The following FGF2 variants were observed in gnomAD, a reference collection of about 807,000 sequenced individuals.
FGF2 encodes the protein basic fibroblast growth factor bFGF.
A neutral mutation model predicts 15.9 loss-of-function variants in FGF2; 13 were observed. That is an observed-to-expected ratio of 0.82 (90% CI 0.53 to 1.30). The LOEUF (loss-of-function observed/expected upper bound fraction) is 1.30. FGF2 is among the 50% of genes most tolerant of loss of function. The probability of loss-of-function intolerance (pLI) is 0.00; values close to 1 mark genes in which losing one functional copy is unlikely to be tolerated. For missense variants in FGF2, 163 were observed against 196.9 expected (o/e 0.83, Z 1.03); for synonymous variants, 90 against 78.4 (o/e 1.15, Z -0.78).
In FGF2 at chr4:122,892,354, G is replaced by A. The variant is rs2150793627; in HGVS notation, c.426G>A (p.Gly142=). 4 of 1,614,102 alleles carry A rather than the reference G, an allele frequency of 2.5e-6. No homozygotes were observed. The highest frequency in any genetic ancestry group is 3.4e-6 in the Non-Finnish European group (4 of 1,179,988). Residue 142 remains glycine, a synonymous_variant, in exon 3 of 3, where the codon GGG becomes GGA. Transcript: ENST00000644866. ...QYKLGSKTGP[G]QKAILFLPMS... is the part of the protein sequence containing the mutation. ...AACTTGGATCCAAAACAGGACCTGG[G>A]CAGAAAGCTATACTTTTTCTTCCAA... is the stretch of plus-strand genomic sequence containing the variant.
chr4:122,880,821 A>G (rs1287279752), intron 2 of FGF2, among the ~76,000 whole-genome samples: 1 of 152,088 alleles, frequency 6.6e-6, no homozygotes, highest in Non-Finnish European at 1.5e-5. Context: ...TGGTGCTGCA[A>G]TAGGGACTCT....
chr4:122,840,621 G>T (rs568220619), intron 1 of FGF2: 1 of 183,022 alleles, frequency 5.5e-6, no homozygotes, highest in South Asian at 1.4e-4. Flanking sequence ...AAGCCCACAC[G>T]AACCAAATAC....
At chr4:122,855,401 G>T (rs1726319599) in intron 1 of FGF2, among the ~76,000 whole-genome samples, 1 of 152,174 alleles carries the variant, frequency 6.6e-6, no homozygotes, top group South Asian at 2.1e-4. Context: ...TTCAAGAATT[G>T]ATTTATATTG....
Position 122,827,132 on chromosome 4 carries a change from G to A in FGF2, c.-43G>A, listed in dbSNP as rs1446853265. ...GCCGGGGGACGGCGGCTCCCCGCGC[G>A]GCTCCAGCGGCTCGGGGATCCCGGC... On this transcript the variant is annotated 5_prime_UTR_variant, in exon 1 of 3. Transcript: ENST00000644866. This position sits in a 1 kb window ranked among gnomAD's most constrained non-coding sequence, Gnocchi z 4.2. 4 of 1,303,566 alleles carry A rather than the reference G, an allele frequency of 3.1e-6. No homozygotes were observed. Among genetic ancestry groups the A allele is most frequent in the African/African-American group, 1.6e-5 (1 of 64,434 alleles). 80.7% of individuals were successfully genotyped at this position (1,303,566 alleles called of 1,614,324 possible).
intron 1 of FGF2, among the ~76,000 whole-genome samples, chr4:122,868,341 A>C (rs550197769): frequency 8.1e-4 from 122 of 151,166 alleles, no homozygotes; most frequent in Non-Finnish European, 1.5e-3. Context: ...TTATTGTTCA[A>C]CTCCCACTTA....
chr4:122,827,232 G>T lies in FGF2; in HGVS notation c.58G>T (p.Ala20Ser), dbSNP rs760683900. The change falls in exon 1 of 3, where the codon GCC becomes TCC. Residue 20 changes from alanine (A) to serine (S), a missense_variant. Physicochemically the swap from Ala to Ser is moderately conservative, Grantham distance 99. Coordinates refer to ENST00000644866, the MANE Select transcript of FGF2 (RefSeq NM_001361665.2). The surrounding 1 kb of genome is among the most constrained non-coding windows in gnomAD (Gnocchi z 4.2). Reference protein sequence around the residue: ...PALPEDGGSGAFPPGHFKDPK... With the variant: ...PALPEDGGSGSFPPGHFKDPK... ...CTTGCCCGAGGATGGCGGCAGCGGC[G>T]CCTTCCCGCCCGGCCACTTCAAGGA... The T allele has an allele frequency of 1.9e-6, 3 of 1,611,452 alleles. No individual in the cohort carries two copies. The highest frequency in any genetic ancestry group is 2.2e-5 in the East Asian group (1 of 44,800).
intron 2 of FGF2, among the ~76,000 whole-genome samples, chr4:122,885,755 T>C (rs1425323448): frequency 1.3e-5 from 2 of 152,114 alleles, no homozygotes; most frequent in African/African-American, 4.8e-5. Context: ...ATTCTTTTTC[T>C]GTTCCAGGAT....
rs1725671687 is a variant in FGF2, at chr4:122,827,629, C to G, written c.178+277C>G. On this transcript the variant is annotated intron_variant, in intron 1 of 2. Coordinates refer to ENST00000644866, the MANE Select transcript of FGF2 (RefSeq NM_001361665.2). The surrounding 1 kb of genome is among the most constrained non-coding windows in gnomAD (Gnocchi z 4.2). ...GGAGCCGCGGCGCGCCGGGGCCTCG[C>G]GGACTGGCTGTCTTCCCGCGGACAA... 6.6e-6 allele frequency among the ~76,000 whole-genome samples: 1 copy of G among 152,144 alleles called. No individual in the cohort carries two copies. The highest frequency in any genetic ancestry group is 6.5e-5 in the Admixed American group (1 of 15,284).
intron 1 of FGF2, among the ~76,000 whole-genome samples, chr4:122,855,264 A>G (rs1355216742): frequency 2.0e-5 from 3 of 152,216 alleles, no homozygotes; most frequent in East Asian, 3.8e-4. Context: ...AGAAAAGGCT[A>G]TATTCAGGAG....
At chr4:122,847,639 ATCTG>A (rs145348574) in intron 1 of FGF2, among the ~76,000 whole-genome samples, 23,947 of 135,538 alleles carry the variant, frequency 0.18, 2,411 homozygotes, top group African/African-American at 0.37. Flanking sequence ...CTATCTATCT[ATCTG>A]TCTATCTAAT....
intron 2 of FGF2, among the ~76,000 whole-genome samples, chr4:122,883,548 A>G (rs1370472685): frequency 6.6e-6 from 1 of 152,246 alleles, no homozygotes; most frequent in Non-Finnish European, 1.5e-5. Context: ...TCCATTCCAT[A>G]GCAGGATAAA....
intron 1 of FGF2, among the ~76,000 whole-genome samples, chr4:122,857,818 G>C (rs1258300257): frequency 6.6e-6 from 1 of 152,142 alleles, no homozygotes; most frequent in Non-Finnish European, 1.5e-5. Context: ...ATTTTGGCAA[G>C]AGATTTAGTA....
chr4:122,871,099 G>A (rs547546194), intron 1 of FGF2, among the ~76,000 whole-genome samples: 2 of 152,128 alleles, frequency 1.3e-5, no homozygotes, highest in Non-Finnish European at 2.9e-5. Context: ...TCATTCAGGA[G>A]CAGGTTGTTC....
Position 122,893,347 on chromosome 4 carries a change from G to T in FGF2, c.*951G>T. ...CAAAACATTACCCTAACAAAGTAAA[G>T]TTTTCAATACAAATTCTTTGCCTTG... On this transcript the variant is annotated 3_prime_UTR_variant, in exon 3 of 3. Coordinates refer to ENST00000644866, the MANE Select transcript of FGF2 (RefSeq NM_001361665.2). 1.1e-6 allele frequency: 1 copy of T among 893,412 alleles called. No homozygotes were observed. Among genetic ancestry groups the T allele is most frequent in the Non-Finnish European group, 1.6e-6 (1 of 626,764 alleles). The allele number at this position is 893,412 out of a possible 1,614,324, so 55.3% of individuals were successfully genotyped here.
At position 122,892,952 on chromosome 4, in the gene FGF2, C is replaced by T; in HGVS notation, c.*556C>T. Reference sequence around the variant, plus strand: ...CAGGTCAATTTTGTCAAACCCTTCTCTGTACCCATACAGCAGCAGCCTAGC... The same window carrying T: ...CAGGTCAATTTTGTCAAACCCTTCTTTGTACCCATACAGCAGCAGCCTAGC... On this transcript the variant is annotated 3_prime_UTR_variant, in exon 3 of 3. Transcript: ENST00000644866. The T allele has an allele frequency of 6.2e-7, 1 of 1,614,202 alleles. No homozygotes were observed. Among genetic ancestry groups the T allele is most frequent in the South Asian group, 1.1e-5 (1 of 91,088 alleles).
intron 2 of FGF2, among the ~76,000 whole-genome samples, chr4:122,891,946 G>C (rs1234852304): frequency 7.2e-5 from 11 of 152,120 alleles, no homozygotes; most frequent in Non-Finnish European, 4.4e-5. Flanking sequence ...TTTGGAGCTG[G>C]AGAATTGTCT....
chr4:122,883,256 A>T (rs1726995649), intron 2 of FGF2: 2 of 152,200 alleles, frequency 1.3e-5, no homozygotes, highest in Non-Finnish European at 2.9e-5. Flanking sequence ...TGGATACAAA[A>T]AACATTTTGG....
rs1184352064 is a variant in FGF2, at chr4:122,892,892, A to G, written c.*496A>G. The G allele has an allele frequency of 1.9e-6, 3 of 1,613,570 alleles. No homozygotes were observed. The highest frequency in any genetic ancestry group is 2.5e-6 in the Non-Finnish European group (3 of 1,179,596). ...TTCCTTATGATAGAGTTTATAAAAC[A>G]GTCCTGTGTAAACTGCTGGAAGTTC... On this transcript the variant is annotated 3_prime_UTR_variant, in exon 3 of 3. Transcript: ENST00000644866.
intron 1 of FGF2, among the ~76,000 whole-genome samples, chr4:122,842,603 AC>A (rs951236124): frequency 5.3e-5 from 8 of 152,124 alleles, no homozygotes; most frequent in African/African-American, 1.9e-4. Context: ...AATGTTGAGG[AC>A]TGTTGTTGAT....
Sources: gnomAD v4.1 joint callset for allele counts (sites outside exome capture counted in the v4.1 genomes callset) on GRCh38, gnomAD v4.1.1 for gene constraint, Gnocchi (gnomAD v3.1) non-coding constraint, MANE v1.5 for transcripts, NCBI Gene and HGNC (gene_info 2026-07-23, HGNC 2026-07-21) for gene names.